The following PLA2G4E variants were observed in gnomAD, a reference collection of about 807,000 sequenced individuals.
PLA2G4E encodes cytosolic phospholipase A2 epsilon.
In PLA2G4E, 84 loss-of-function variants were observed where a neutral mutation model predicts 109.1. That is an observed-to-expected ratio of 0.77 (90% CI 0.65 to 0.92). PLA2G4E has a LOEUF of 0.92. Among genes scored for constraint, PLA2G4E ranks in the 40% least tolerant of loss-of-function variants. The probability of loss-of-function intolerance (pLI) is 0.00; values close to 1 mark genes in which losing one functional copy is unlikely to be tolerated. For synonymous variants in PLA2G4E, 469 were observed against 436.1 expected, an observed-to-expected ratio of 1.08 and a Z score of -0.94; for missense variants, 1,057 against 1,076.6, an observed-to-expected ratio of 0.98 and a Z score of 0.25.
At chr15:42,012,218 C>T (rs1339590407) in intron 2 of PLA2G4E, among the ~76,000 whole-genome samples, 2 of 152,168 alleles carry the variant, frequency 1.3e-5, no homozygotes, top group Non-Finnish European at 2.9e-5. Flanking sequence ...CCAGACTCTC[C>T]GCACCTGCAC....
chr15:42,041,328 A>T (rs1889313093), intron 1 of PLA2G4E, among the ~76,000 whole-genome samples: 1 of 151,598 alleles, frequency 6.6e-6, no homozygotes, highest in East Asian at 1.9e-4. Flanking sequence ...AGGAAAAAAA[A>T]AGTTGTTGAT....
rs1034366745 is a variant in PLA2G4E, at chr15:42,013,647, G to A, written c.256+38C>T. ...GCCAGGGCCTCTTCCATCCAGATCC[G>A]GTAAGCAGAGAAGGAGAGAAGTGAG... On this transcript the variant is annotated intron_variant, in intron 2 of 19. Coordinates refer to ENST00000399518, the Ensembl canonical transcript of PLA2G4E. 1.6e-5 allele frequency: 23 copies of A among 1,461,752 alleles called. No individual in the cohort carries two copies. The African/African-American group carries it at 1.7e-4, about 11-fold the overall frequency. The allele number at this position is 1,461,752 out of a possible 1,614,324, so 90.5% of individuals were successfully genotyped here.
intron 1 of PLA2G4E, among the ~76,000 whole-genome samples, chr15:42,022,193 AC>A (rs2068654968): frequency 6.6e-6 from 1 of 152,056 alleles, no homozygotes; most frequent in South Asian, 2.1e-4. Flanking sequence ...GATGCATCCA[AC>A]CCCTCAGAGG....
At chr15:42,016,241 CTTTTT>C (rs1168452228) in intron 1 of PLA2G4E, among the ~76,000 whole-genome samples, 7 of 104,688 alleles carry the variant, frequency 6.7e-5, no homozygotes, top group Middle Eastern at 6.8e-3. Context: ...TTTATCTTTA[CTTTTT>C]TTTTTTTTTT....
rs374184492 is a variant in PLA2G4E, at chr15:41,984,638, C to A, written c.2203-19G>T. On this transcript the variant is annotated intron_variant, in intron 18 of 19. Coordinates refer to ENST00000399518, the Ensembl canonical transcript of PLA2G4E. ...TCAGGGGCTGGAACAGCACAGAGGG[C>A]GTGTTTGAGCATTAGGAGGAGTGGG... 3.2e-6 allele frequency: 5 copies of A among 1,552,074 alleles called. No individual in the cohort carries two copies. The highest frequency in any genetic ancestry group is 1.2e-5 in the South Asian group (1 of 82,880).
At chr15:42,049,904 T>C (rs1252854754) in intron 1 of PLA2G4E, among the ~76,000 whole-genome samples, 1 of 152,222 alleles carries the variant, frequency 6.6e-6, no homozygotes, top group Admixed American at 6.5e-5. Flanking sequence ...ACCTGATAAT[T>C]ACCTTCAGAT....
exon 18 of PLA2G4E, chr15:41,985,969 T>A: frequency 1.2e-6 from 2 of 1,602,782 alleles, no homozygotes; most frequent in Non-Finnish European, 1.7e-6. Context: ...GTTCGCGGAC[T>A]CGGTCAGCTG....
At chr15:41,984,443 C>G in exon 19 of PLA2G4E, 1 of 1,612,336 alleles carries the variant, frequency 6.2e-7, no homozygotes, top group Non-Finnish European at 8.5e-7. Context: ...CACCTGGTGC[C>G]TTGTATTTTC....
At position 42,013,799 on chromosome 15, in the gene PLA2G4E, C is replaced by T. The variant is rs550321660; in HGVS notation, c.184-42G>A. On this transcript the variant is annotated intron_variant, in intron 1 of 19. Transcript: ENST00000399518. ...CAGAGGACTCAGTCTTCAAGCATTA[C>T]TCCAAGGCCATTGCCCCGGGGGAGA... 105 of 1,511,316 alleles carry T rather than the reference C, an allele frequency of 6.9e-5. No individual in the cohort carries two copies. In the African/African-American group the frequency reaches 1.4e-3, roughly 20 times the overall value. The allele number at this position is 1,511,316 out of a possible 1,614,324, so 93.6% of individuals were successfully genotyped here.
intron 2 of PLA2G4E, among the ~76,000 whole-genome samples, chr15:42,008,100 CCTCCGG>C (rs1437118637): frequency 6.6e-6 from 1 of 152,226 alleles, no homozygotes; most frequent in African/African-American, 2.4e-5. Flanking sequence ...ACACAGATGG[CCTCCGG>C]CTCTTATTAG....
Position 42,002,264 on chromosome 15 carries a change from C to CAAAAAAAAAAAAAAAAA in PLA2G4E, c.609+373_609+389dup, listed in dbSNP as rs71108143. ...TGGGCGACAGAGTGAGACCTTGTCT[C>CAAAAAAAAAAAAAAAAA]AAAAAAAAAAAAAAAAAAAAAAAGG... On this transcript the variant is annotated intron_variant, in intron 6 of 19. Coordinates refer to ENST00000399518, the Ensembl canonical transcript of PLA2G4E. Among the ~76,000 whole-genome samples, 126 of 73,206 alleles carry CAAAAAAAAAAAAAAAAA rather than the reference C, an allele frequency of 1.7e-3. 6 individuals are homozygous for CAAAAAAAAAAAAAAAAA. Among genetic ancestry groups the CAAAAAAAAAAAAAAAAA allele is most frequent in the African/African-American group, 7.5e-3 (122 of 16,170 alleles). 48.0% of individuals were successfully genotyped at this position (73,206 alleles called of 152,430 possible). A position where few individuals can be genotyped will look rare whatever the true frequency, so the allele number is the denominator to read the frequency against.
intron 1 of PLA2G4E, among the ~76,000 whole-genome samples, chr15:42,046,078 G>C (rs1889411115): frequency 6.6e-6 from 1 of 152,080 alleles, no homozygotes; most frequent in South Asian, 2.1e-4. Flanking sequence ...AGGAAACCCA[G>C]AATCCATCCA....
chr15:42,043,791 G>A (rs1479416090), intron 1 of PLA2G4E, among the ~76,000 whole-genome samples: 6 of 152,130 alleles, frequency 3.9e-5, no homozygotes, highest in Admixed American at 1.3e-4. Flanking sequence ...TTCCTCATCT[G>A]TAAAATGGAG....
At chr15:42,027,740 C>G (rs2068704475) in intron 1 of PLA2G4E, among the ~76,000 whole-genome samples, 1 of 152,204 alleles carries the variant, frequency 6.6e-6, no homozygotes, top group Non-Finnish European at 1.5e-5. Flanking sequence ...TACACTGGTC[C>G]TTCATGCCCA....
Position 42,000,292 on chromosome 15 carries a change from A to T in PLA2G4E, c.674-10T>A, listed in dbSNP as rs1008167977. On this transcript the variant is annotated splice_polypyrimidine_tract_variant and intron_variant, in intron 7 of 19. Transcript: ENST00000399518. ...ACCAGGAGGTCCTTCACTGGGAGAGAGGACAAGAGGGTGAGACCCTGGGAG... is the reference window on the plus strand; with the variant it reads ...ACCAGGAGGTCCTTCACTGGGAGAGTGGACAAGAGGGTGAGACCCTGGGAG... The T allele has an allele frequency of 1.7e-5, 26 of 1,557,326 alleles. No homozygotes were observed. The highest frequency in any genetic ancestry group is 4.1e-5 in the African/African-American group (3 of 73,414).
chr15:42,039,750 A>G (rs1458624949), intron 1 of PLA2G4E, among the ~76,000 whole-genome samples: 6 of 152,172 alleles, frequency 3.9e-5, no homozygotes, highest in Non-Finnish European at 4.4e-5. Flanking sequence ...TAAGAAATTC[A>G]CAGACACTAT....
chr15:42,028,512 T>C (rs1233777262), intron 1 of PLA2G4E, among the ~76,000 whole-genome samples: 1 of 152,152 alleles, frequency 6.6e-6, no homozygotes, highest in Non-Finnish European at 1.5e-5. Flanking sequence ...CTTCAAGCAA[T>C]TTTCCTGCCT....
chr15:42,000,104 C>A (rs1485853591), exon 8 of PLA2G4E: 3 of 1,584,162 alleles, frequency 1.9e-6, no homozygotes, highest in Non-Finnish European at 2.6e-6. Context: ...CGCCTTGTAC[C>A]CCACAGCTCC....
intron 4 of PLA2G4E, 30 bp downstream of exon 4, chr15:42,005,960 G>C: frequency 6.2e-7 from 1 of 1,609,778 alleles, no homozygotes; most frequent in South Asian, 1.1e-5. Context: ...TCATGAAGCC[G>C]GAGTCTGAGG....
Sources: allele counts gnomAD v4.1 joint callset (sites outside exome capture counted in the v4.1 genomes callset), GRCh38; gene constraint gnomAD v4.1.1; transcripts MANE v1.5; gene names NCBI Gene and HGNC (gene_info 2026-07-23, HGNC 2026-07-21).